RANBP2: variants seen among roughly 807,000 people sequenced by gnomAD.
The protein encoded by RANBP2 is RAN binding protein 2.
A neutral mutation model predicts 303.6 loss-of-function variants in RANBP2; 57 were observed. The ratio of observed to expected loss-of-function variants is 0.19; its 90% confidence interval spans 0.15 to 0.23. The LOEUF (loss-of-function observed/expected upper bound fraction) is 0.23, where lower values mean the gene tolerates loss of function less well. RANBP2 is among the 10% of genes least tolerant of loss of function. The pLI is 1.00. For synonymous variants in RANBP2, 1,167 were observed against 1,301.5 expected (o/e 0.90, Z 2.23); for missense variants, 3,138 against 3,780.8 (o/e 0.83, Z 4.46).
At chr2:108,948,623 G>C in the RANBP2 span, among the ~76,000 whole-genome samples, 1 of 152,166 alleles carries the variant, frequency 6.6e-6, no homozygotes, top group Admixed American at 6.5e-5. Context: ...GCAGGAGAGA[G>C]AGAGAGAGTG....
the RANBP2 span, among the ~76,000 whole-genome samples, chr2:109,105,220 A>T: frequency 1.3e-5 from 2 of 152,378 alleles, no homozygotes; most frequent in South Asian, 4.1e-4. Flanking sequence ...AAGCATGTGC[A>T]TTAAGAGGCA....
the RANBP2 span, among the ~76,000 whole-genome samples, chr2:109,439,060 G>A: frequency 1.3e-5 from 2 of 152,116 alleles, no homozygotes; most frequent in African/African-American, 4.8e-5. Context: ...ACCAAGCCTT[G>A]CTAGAAACGT....
chr2:109,748,804 C>T, the RANBP2 span, among the ~76,000 whole-genome samples: 1 of 149,644 alleles, frequency 6.7e-6, no homozygotes, highest in African/African-American at 2.5e-5. Flanking sequence ...ACCCAGGAGG[C>T]GGAGGTTGCA....
chr2:109,589,343 G>A, the RANBP2 span, among the ~76,000 whole-genome samples: 4 of 151,922 alleles, frequency 2.6e-5, no homozygotes, highest in Admixed American at 2.6e-4. Context: ...AACCAACCTG[G>A]CCAGCATGAC....
the RANBP2 span, among the ~76,000 whole-genome samples, chr2:109,333,545 A>G: frequency 5.9e-5 from 9 of 152,168 alleles, no homozygotes; most frequent in African/African-American, 2.2e-4. Context: ...TTGGAACACA[A>G]TCTCACCCAC....
the RANBP2 span, among the ~76,000 whole-genome samples, chr2:109,116,170 G>T: frequency 6.6e-6 from 1 of 152,164 alleles, no homozygotes; most frequent in Non-Finnish European, 1.5e-5. Flanking sequence ...GAATCTGAAT[G>T]TTGGTCTGCC....
the RANBP2 span, among the ~76,000 whole-genome samples, chr2:109,402,607 C>T: frequency 1.3e-5 from 2 of 152,230 alleles, no homozygotes; most frequent in Non-Finnish European, 2.9e-5. Flanking sequence ...CCCTGCCTCT[C>T]ACAGTCCCCT....
chr2:109,221,530 C>T, the RANBP2 span, among the ~76,000 whole-genome samples: 10 of 150,320 alleles, frequency 6.7e-5, no homozygotes, highest in Non-Finnish European at 1.2e-4. Flanking sequence ...TGCGGTAAGC[C>T]GCGATCGCGC....
chr2:108,815,461 G>GTTTTTTTTTTTTTT, the RANBP2 span, among the ~76,000 whole-genome samples: 3 of 70,702 alleles, frequency 4.2e-5, no homozygotes, highest in African/African-American at 1.1e-4. Context: ...GGTTTTTGGT[G>GTTTTTTTTTTTTTT]TTTTTTTTTT....
chr2:108,786,180 T>A (rs1374188514), downstream of RANBP2, among the ~76,000 whole-genome samples: 3 of 152,026 alleles, frequency 2.0e-5, no homozygotes, highest in East Asian at 5.8e-4. Flanking sequence ...CTATTCTTTT[T>A]AATACCCTGT....
the RANBP2 span, among the ~76,000 whole-genome samples, chr2:109,218,401 C>G: frequency 6.6e-6 from 1 of 152,122 alleles, no homozygotes; most frequent in Non-Finnish European, 1.5e-5. Flanking sequence ...GTTCTAGAAA[C>G]AGTCTTTGAG....
the RANBP2 span, among the ~76,000 whole-genome samples, chr2:109,414,554 G>A: frequency 6.6e-6 from 1 of 152,130 alleles, no homozygotes; most frequent in Non-Finnish European, 1.5e-5. Context: ...CACAAACACA[G>A]GTCACACACC....
the RANBP2 span, chr2:109,733,003 T>C: frequency 5.1e-6 from 3 of 583,428 alleles, no homozygotes; most frequent in African/African-American, 1.9e-5. Context: ...GTCCTTGAGA[T>C]GATTATTGTA....
the RANBP2 span, among the ~76,000 whole-genome samples, chr2:109,656,179 A>ATGCC: frequency 2.0e-5 from 3 of 152,158 alleles, no homozygotes; most frequent in African/African-American, 7.2e-5. Context: ...AGCAGGGGCC[A>ATGCC]TGCCAATCCC....
At chr2:109,111,154 G>A in the RANBP2 span, among the ~76,000 whole-genome samples, 1 of 152,070 alleles carries the variant, frequency 6.6e-6, no homozygotes, top group East Asian at 1.9e-4. Context: ...CTCTATTTCT[G>A]GATTAATGGA....
the RANBP2 span, among the ~76,000 whole-genome samples, chr2:109,172,277 G>A: frequency 2.6e-5 from 4 of 152,210 alleles, no homozygotes; most frequent in African/African-American, 4.8e-5. Flanking sequence ...CAACAGCTGC[G>A]TGTGGCCTGT....
chr2:108,817,027 A>G, the RANBP2 span, among the ~76,000 whole-genome samples: 2 of 152,174 alleles, frequency 1.3e-5, no homozygotes, highest in South Asian at 4.1e-4. Context: ...CCACTTATCA[A>G]TACTGTCATA....
the RANBP2 span, among the ~76,000 whole-genome samples, chr2:109,687,472 G>C: frequency 3.9e-5 from 6 of 152,226 alleles, no homozygotes; most frequent in African/African-American, 1.4e-4. Flanking sequence ...GCTCTAGAAT[G>C]GGCTCTAGAA....
chr2:109,649,173 C>T, the RANBP2 span, among the ~76,000 whole-genome samples: 5 of 151,650 alleles, frequency 3.3e-5, no homozygotes, highest in Non-Finnish European at 7.4e-5. Context: ...ATTACCAAAC[C>T]ATTTAAAGAA....
Sources: gnomAD v4.1 joint callset for allele counts (sites outside exome capture counted in the v4.1 genomes callset) on GRCh38, gnomAD v4.1.1 for gene constraint, MANE v1.5 for transcripts, NCBI Gene and HGNC (gene_info 2026-07-23, HGNC 2026-07-21) for gene names.